ANKRD18A: variants seen among roughly 807,000 people sequenced by gnomAD.
ANKRD18A encodes the protein ankyrin repeat domain 18A, also known as ankyrin repeat domain-containing protein 18A.
In ANKRD18A, 72 loss-of-function variants were observed where a neutral mutation model predicts 110.6. That is an observed-to-expected ratio of 0.65 (90% CI 0.54 to 0.79). ANKRD18A has a LOEUF of 0.79. Ranked by LOEUF, ANKRD18A falls within the 30% of genes least tolerant of loss-of-function variation. The probability of loss-of-function intolerance (pLI) is 0.00; values close to 1 mark genes in which losing one functional copy is unlikely to be tolerated. For synonymous variants in ANKRD18A, 305 were observed against 410.3 expected (o/e 0.74, Z 3.10); for missense variants, 934 against 1,163.3 (o/e 0.80, Z 2.87).
At position 38,577,060 on chromosome 9, in the gene ANKRD18A, AT is replaced by A. The variant is rs1823924891; in HGVS notation, c.2733del (p.Lys911AsnfsTer2). 1.3e-6 allele frequency: 2 copies of A among 1,544,284 alleles called. No individual in the cohort carries two copies. The highest frequency in any genetic ancestry group is 2.0e-5 in the Admixed American group (1 of 49,586). ...AVKANNSMSK[K>X]LMKSDKKIAV... ...GTGTATGTTTTGACTTACTTCATTAATTTTTTTGACATGGAATTGTTAGCTT... is the reference window on the plus strand; with the variant it reads ...GTGTATGTTTTGACTTACTTCATTAATTTTTTGACATGGAATTGTTAGCTT... On this transcript the variant is annotated frameshift_variant, in exon 14 of 16. Coordinates refer to ENST00000399703, the MANE Select transcript of ANKRD18A (RefSeq NM_147195.4). LOFTEE classifies it high-confidence loss of function.
At chr9:38,589,031 T>C (rs1220805006) in intron 10 of ANKRD18A, among the ~76,000 whole-genome samples, 1 of 152,242 alleles carries the variant, frequency 6.6e-6, no homozygotes, top group Non-Finnish European at 1.5e-5. Context: ...TATTCCAAGT[T>C]AAATTACATC....
At chr9:38,590,051 T>C (rs1824571425) in intron 10 of ANKRD18A, among the ~76,000 whole-genome samples, 1 of 152,184 alleles carries the variant, frequency 6.6e-6, no homozygotes, top group African/African-American at 2.4e-5. Context: ...TTGATTCTTA[T>C]GGATGTTACT....
At chr9:38,573,204 A>G in intron 15 of ANKRD18A, 2 of 826,696 alleles carry the variant, frequency 2.4e-6, no homozygotes, top group Non-Finnish European at 3.3e-6. Flanking sequence ...AATATATTAC[A>G]AAATGTGGCC....
chr9:38,607,626 T>C, intron 5 of ANKRD18A, 133 bp from the exon 6 acceptor site: 4 of 592,946 alleles, frequency 6.7e-6, no homozygotes, highest in East Asian at 4.2e-5. Context: ...CGATACACTT[T>C]AAAATTTTAA....
intron 9 of ANKRD18A, 27 bp from the exon 10 acceptor site, chr9:38,593,936 T>C: frequency 6.9e-7 from 1 of 1,450,320 alleles, no homozygotes; most frequent in Non-Finnish European, 9.1e-7. Context: ...GTTACCAATT[T>C]TATAAAGTGG....
At chr9:38,592,443 CAG>C (rs1824693141) in intron 10 of ANKRD18A, among the ~76,000 whole-genome samples, 1 of 152,106 alleles carries the variant, frequency 6.6e-6, no homozygotes, top group Admixed American at 6.6e-5. Flanking sequence ...AGAGAACAGT[CAG>C]AGAAAGCTTC....
rs530942600 is a variant in ANKRD18A, at chr9:38,600,715, G to A, written c.936+416C>T. ...GTCTTTAACCTCAGCACTGGTGACC[G>A]GCAACATAAAATTGCAGTTTGAACC... On this transcript the variant is annotated intron_variant, in intron 8 of 15. Coordinates refer to ENST00000399703, the MANE Select transcript of ANKRD18A (RefSeq NM_147195.4). Among the ~76,000 whole-genome samples the A allele has an allele frequency of 2.9e-3, 435 of 152,130 alleles. 1 individual carries two copies. Among genetic ancestry groups the A allele is most frequent in the African/African-American group, 0.01 (418 of 41,492 alleles).
Position 38,601,224 on chromosome 9 carries a change from A to C in ANKRD18A, c.863-20T>G. On this transcript the variant is annotated intron_variant, in intron 7 of 15. Coordinates refer to ENST00000399703, the MANE Select transcript of ANKRD18A (RefSeq NM_147195.4). ...GTTCTGCTGACAAATCCATATGTTT[A>C]GTTAAAATGAATGATTTAAAGACTA... is the stretch of plus-strand genomic sequence containing the variant. The C allele has an allele frequency of 6.5e-7, 1 of 1,542,228 alleles. No homozygotes were observed. Among genetic ancestry groups the C allele is most frequent in the South Asian group, 1.2e-5 (1 of 83,426 alleles).
intron 1 of ANKRD18A, among the ~76,000 whole-genome samples, chr9:38,618,584 A>AT (rs1825950942): frequency 6.6e-6 from 1 of 152,202 alleles, no homozygotes; most frequent in Non-Finnish European, 1.5e-5. Flanking sequence ...TGTGGTAATT[A>AT]TCTCCAAATT....
chr9:38,600,686 A>G (rs1038876857), intron 8 of ANKRD18A, among the ~76,000 whole-genome samples: 2 of 152,212 alleles, frequency 1.3e-5, no homozygotes, highest in Non-Finnish European at 2.9e-5. Flanking sequence ...AAAAAACAGA[A>G]GAAGTCTTTA....
At chr9:38,595,367 T>C (rs188066627) in intron 9 of ANKRD18A, 119 bp downstream of exon 9, 9 of 1,004,806 alleles carry the variant, frequency 9.0e-6, no homozygotes, top group African/African-American at 6.6e-5. Context: ...AATGGAATTA[T>C]ACAGAATGGT....
intron 12 of ANKRD18A, among the ~76,000 whole-genome samples, chr9:38,582,238 A>G (rs1824196608): frequency 6.6e-6 from 1 of 152,222 alleles, no homozygotes; most frequent in Non-Finnish European, 1.5e-5. Flanking sequence ...ACTGAAAATG[A>G]AACTATAGAG....
chr9:38,572,198 T>C (rs1823676501), intron 15 of ANKRD18A, 139 bp from the exon 16 acceptor site: 1 of 555,974 alleles, frequency 1.8e-6, no homozygotes, highest in Non-Finnish European at 3.0e-6. Flanking sequence ...AATACAAAAT[T>C]ACTATTAAAT....
chr9:38,615,651 C>T lies in ANKRD18A; in HGVS notation c.438G>A (p.Gly146=). Residue 146 remains glycine (G), a synonymous_variant, in exon 3 of 16, where the codon GGG becomes GGA. Transcript: ENST00000399703. ...AAAGCAGTCTTTCTGCCAGTGAAGTCCCCTTATTATACACGGCATAATGGA... is the reference window on the plus strand; with the variant it reads ...AAAGCAGTCTTTCTGCCAGTGAAGTTCCCTTATTATACACGGCATAATGGA... ...TALHYAVYNK[G]TSLAERLLSH... 6.2e-7 allele frequency: 1 copy of T among 1,611,412 alleles called. No individual in the cohort carries two copies. The highest frequency in any genetic ancestry group is 1.1e-5 in the South Asian group (1 of 90,900).
At position 38,588,632 on chromosome 9, in the gene ANKRD18A, A is replaced by C. The variant is rs1824494717; in HGVS notation, c.2036T>G (p.Leu679Arg). ...PEEKHEEFRK[L>R]FELISLLNYT... is the part of the protein sequence containing the mutation. ...GTTCAGTAATGATATTAATTCAAAA[A>C]GTTTTCTGAATTCTTCATGTTTTTC... Residue 679 changes from leucine to arginine, a missense_variant, in exon 11 of 16, where the codon CTT becomes CGT. Physicochemically the swap from Leu to Arg is moderately radical, Grantham distance 102. Transcript: ENST00000399703. 7.2e-7 allele frequency: 1 copy of C among 1,398,134 alleles called. No homozygotes were observed. The highest frequency in any genetic ancestry group is 9.3e-7 in the Non-Finnish European group (1 of 1,070,314). 86.6% of individuals were successfully genotyped at this position (1,398,134 alleles called of 1,614,324 possible).
chr9:38,571,092 C>A, downstream of ANKRD18A: 1 of 1,513,306 alleles, frequency 6.6e-7, no homozygotes, highest in Non-Finnish European at 8.8e-7. Context: ...CCCCAGACAG[C>A]TAGAAGGCCC....
At chr9:38,618,781 C>G (rs1244852561) in intron 1 of ANKRD18A, among the ~76,000 whole-genome samples, 3 of 151,898 alleles carry the variant, frequency 2.0e-5, no homozygotes, top group Non-Finnish European at 4.4e-5. Context: ...GTGCTTTGCT[C>G]ACTTCTAGAG....
At chr9:38,569,084 G>C (rs1322507990), downstream of ANKRD18A, 12 of 985,282 alleles carry the variant, frequency 1.2e-5, no homozygotes, top group Non-Finnish European at 2.4e-6. Context: ...TGTTGGGCTG[G>C]TCACTACCCA....
intron 6 of ANKRD18A, among the ~76,000 whole-genome samples, chr9:38,606,147 A>G (rs1378554290): frequency 6.6e-6 from 1 of 152,144 alleles, no homozygotes; most frequent in Non-Finnish European, 1.5e-5. Flanking sequence ...ATAATCTCCT[A>G]TTTGTATGGG....
Sources: allele counts gnomAD v4.1 joint callset (sites outside exome capture counted in the v4.1 genomes callset), GRCh38; gene constraint gnomAD v4.1.1; transcripts MANE v1.5; gene names NCBI Gene and HGNC (gene_info 2026-07-23, HGNC 2026-07-21).